The following PICALM variants were observed in gnomAD, a reference collection of about 807,000 sequenced individuals.
PICALM encodes the protein phosphatidylinositol-binding clathrin assembly protein.
A neutral mutation model predicts 80.5 loss-of-function variants in PICALM; 40 were observed. That is an observed-to-expected ratio of 0.50 (90% CI 0.39 to 0.65). The LOEUF is 0.65. PICALM is among the 30% of genes least tolerant of loss of function. PICALM has a pLI of 0.00. For missense variants in PICALM, 676 were observed against 778.9 expected (o/e 0.87, Z 1.57); for synonymous variants, 288 against 260.3 (o/e 1.11, Z -1.02).
At chr11:86,041,775 T>C (rs948943488) in intron 1 of PICALM, among the ~76,000 whole-genome samples, 1 of 152,224 alleles carries the variant, frequency 6.6e-6, no homozygotes, top group Non-Finnish European at 1.5e-5. Context: ...ATCAGTCTAA[T>C]CTACTGTCTC....
chr11:86,020,707 T>C (rs2095549941), intron 4 of PICALM, among the ~76,000 whole-genome samples: 1 of 152,166 alleles, frequency 6.6e-6, no homozygotes, highest in Admixed American at 6.5e-5. Context: ...TGGACTCACC[T>C]CTCACACCAT....
intron 3 of PICALM, among the ~76,000 whole-genome samples, chr11:86,025,652 G>A (rs2095638843): frequency 6.6e-6 from 1 of 151,728 alleles, no homozygotes; most frequent in South Asian, 2.1e-4. Flanking sequence ...TTCGCCTCCT[G>A]GGTTCAAGCG....
chr11:86,062,447 G>A (rs1275200678), intron 1 of PICALM, among the ~76,000 whole-genome samples: 3 of 151,930 alleles, frequency 2.0e-5, no homozygotes, highest in Non-Finnish European at 4.4e-5. Flanking sequence ...GAACCCAGGA[G>A]GCAAAGGTTG....
intron 1 of PICALM, among the ~76,000 whole-genome samples, chr11:86,063,868 A>T (rs1169861688): frequency 6.6e-6 from 1 of 152,036 alleles, no homozygotes; most frequent in African/African-American, 2.4e-5. Context: ...TTAAAACAAG[A>T]TCCTTTTGGA....
At chr11:85,976,824 G>A in intron 17 of PICALM, 142 bp from the exon 18 acceptor site, 1 of 561,898 alleles carries the variant, frequency 1.8e-6, no homozygotes, top group South Asian at 2.5e-5. Context: ...ATTAAGAACT[G>A]TCGATTAATG....
At chr11:85,959,250 T>C (rs1275255771) in intron 19 of PICALM, among the ~76,000 whole-genome samples, 190 bp from the exon 20 acceptor site, 3 of 152,100 alleles carry the variant, frequency 2.0e-5, no homozygotes, top group Non-Finnish European at 4.4e-5. Flanking sequence ...TTGACACATA[T>C]AGGGACTTCC....
At position 86,041,474 on chromosome 11, in the gene PICALM, G is replaced by C. The variant is rs559141618; in HGVS notation, c.131-9863C>G. Among the ~76,000 whole-genome samples, 5 of 152,260 alleles carry C rather than the reference G, an allele frequency of 3.3e-5. No individual in the cohort carries two copies. The East Asian group carries it at 9.6e-4, about 29-fold the overall frequency. Reference sequence around the variant, plus strand: ...TTTTTTAAAAGGCATTTTCCTGGCAGAGAAAGGACTGACATCCTTTTTATT... The same window carrying C: ...TTTTTTAAAAGGCATTTTCCTGGCACAGAAAGGACTGACATCCTTTTTATT... On this transcript the variant is annotated intron_variant, in intron 1 of 19. Coordinates refer to ENST00000393346, the MANE Select transcript of PICALM (RefSeq NM_007166.4).
chr11:85,996,563 T>C (rs796245738), intron 12 of PICALM, among the ~76,000 whole-genome samples: 8 of 152,302 alleles, frequency 5.3e-5, no homozygotes, highest in African/African-American at 9.6e-5. Flanking sequence ...AATAATCTCA[T>C]AGTTAAAAAC....
upstream of PICALM, chr11:86,069,126 T>G: frequency 7.7e-6 from 2 of 259,302 alleles, no homozygotes; most frequent in East Asian, 1.2e-4. Context: ...CTGCCCCGGG[T>G]CACGTGACTC....
At chr11:86,065,314 C>T (rs994530428) in intron 1 of PICALM, among the ~76,000 whole-genome samples, 1 of 151,930 alleles carries the variant, frequency 6.6e-6, no homozygotes, top group Admixed American at 6.6e-5. Context: ...GGTGTGGTGG[C>T]ATGCGCCTGT....
At position 86,007,536 on chromosome 11, in the gene PICALM, A is replaced by G. The variant is rs753467536; in HGVS notation, c.807+6T>C. 2.7e-6 allele frequency: 4 copies of G among 1,491,372 alleles called. No homozygotes were observed. Among genetic ancestry groups the G allele is most frequent in the Admixed American group, 1.7e-5 (1 of 58,146 alleles). 92.4% of individuals were successfully genotyped at this position (1,491,372 alleles called of 1,614,324 possible). On this transcript the variant is annotated splice_donor_region_variant and intron_variant, in intron 8 of 19. Transcript: ENST00000393346. ...TAGTGGATTGGTATTTTAACAATAA[A>G]CTTACCTGTGAAAGGTCTGGTATAT...
chr11:86,034,579 CATTA>C (rs1020134853), intron 1 of PICALM, among the ~76,000 whole-genome samples: 8 of 152,036 alleles, frequency 5.3e-5, no homozygotes, highest in African/African-American at 1.9e-4. Context: ...ATTTTCTTTT[CATTA>C]TTTATCTCAA....
chr11:85,961,699 T>C (rs549735131), intron 19 of PICALM, among the ~76,000 whole-genome samples: 1 of 152,186 alleles, frequency 6.6e-6, no homozygotes, highest in Non-Finnish European at 1.5e-5. Context: ...GCAAAGCATA[T>C]AAGCACAGGA....
At chr11:85,985,221 G>C (rs1046399096) in intron 13 of PICALM, among the ~76,000 whole-genome samples, 1 of 152,128 alleles carries the variant, frequency 6.6e-6, no homozygotes, top group Admixed American at 6.5e-5. Context: ...GTATAATGAT[G>C]TCATGCTGTA....
intron 1 of PICALM, among the ~76,000 whole-genome samples, chr11:86,054,450 C>G (rs1272020635): frequency 6.6e-6 from 1 of 152,162 alleles, no homozygotes; most frequent in Non-Finnish European, 1.5e-5. Flanking sequence ...AGAGCTCCCT[C>G]TCCAGCCTCA....
rs778871076 is a variant in PICALM, at chr11:86,054,988, C to CA, written c.130+13662dup. On this transcript the variant is annotated intron_variant, in intron 1 of 19. Coordinates refer to ENST00000393346, the MANE Select transcript of PICALM (RefSeq NM_007166.4). Reference sequence around the variant, plus strand: ...CTGTCACCATTTTTCCTTAGCACTCCAAAAAAAATATGATTTTTTTTAAAT... The same window carrying CA: ...CTGTCACCATTTTTCCTTAGCACTCCAAAAAAAAATATGATTTTTTTTAAAT... 2.1e-4 allele frequency among the ~76,000 whole-genome samples: 32 copies of CA among 151,686 alleles called. No homozygotes were observed. The East Asian group carries it at 4.3e-3, about 20-fold the overall frequency.
intron 2 of PICALM, among the ~76,000 whole-genome samples, chr11:86,027,482 A>T (rs1480392071): frequency 6.7e-6 from 1 of 150,154 alleles, no homozygotes; most frequent in Non-Finnish European, 1.5e-5. Context: ...GATGTACACC[A>T]TCACCTCTGA....
intron 1 of PICALM, among the ~76,000 whole-genome samples, chr11:86,061,378 A>G (rs2096363362): frequency 6.6e-6 from 1 of 151,442 alleles, no homozygotes; most frequent in Non-Finnish European, 1.5e-5. Flanking sequence ...CACATTTGAT[A>G]AAGGACTGTT....
intron 1 of PICALM, among the ~76,000 whole-genome samples, chr11:86,049,016 G>A (rs183364752): frequency 6.6e-5 from 10 of 152,094 alleles, no homozygotes; most frequent in Non-Finnish European, 1.2e-4. Context: ...CAGAGGGCCG[G>A]GTGCGGTGGC....
Sources: allele counts gnomAD v4.1 joint callset (sites outside exome capture counted in the v4.1 genomes callset), GRCh38; gene constraint gnomAD v4.1.1; transcripts MANE v1.5; gene names NCBI Gene and HGNC (gene_info 2026-07-23, HGNC 2026-07-21).